CTNNA2: variants seen among roughly 807,000 people sequenced by gnomAD.
CTNNA2 encodes the protein catenin alpha 2, also known as catenin alpha-2.
In CTNNA2, 42 loss-of-function variants were observed where a neutral mutation model predicts 101.0. The observed-to-expected ratio is 0.42, with a 90% CI of 0.32 to 0.54. The LOEUF (loss-of-function observed/expected upper bound fraction) is 0.54. Ranked by LOEUF, CTNNA2 falls within the 20% of genes least tolerant of loss-of-function variation. The pLI, the probability that CTNNA2 is intolerant of heterozygous loss-of-function variation, is 0.14. For synonymous variants in CTNNA2, 450 were observed against 456.4 expected, an observed-to-expected ratio of 0.99 and a Z score of 0.18; for missense variants, 871 against 1,223.1, an observed-to-expected ratio of 0.71 and a Z score of 4.29.
chr2:79,686,875 A>C (rs1439203010), intron 2 of CTNNA2, among the ~76,000 whole-genome samples: 1 of 152,102 alleles, frequency 6.6e-6, no homozygotes, highest in Non-Finnish European at 1.5e-5. Context: ...AGAACTTATG[A>C]ATGAACTAGG....
chr2:79,555,270 C>G (rs148732643), intron 1 of CTNNA2, among the ~76,000 whole-genome samples: 59 of 152,244 alleles, frequency 3.9e-4, no homozygotes, highest in African/African-American at 1.4e-3. Context: ...TAAGGCCATA[C>G]ACTGGAATAT....
chr2:80,623,718 T>C (rs1671382146), intron 18 of CTNNA2, among the ~76,000 whole-genome samples: 1 of 151,800 alleles, frequency 6.6e-6, no homozygotes, highest in African/African-American at 2.4e-5. Flanking sequence ...AGGGAGTAGG[T>C]TCTTGGAGTC....
intron 2 of CTNNA2, among the ~76,000 whole-genome samples, chr2:79,722,348 G>T (rs1686542090): frequency 6.6e-6 from 1 of 152,148 alleles, no homozygotes; most frequent in Admixed American, 6.6e-5. Flanking sequence ...TGGCAGCCTT[G>T]GTTGGATTTG....
intron 14 of CTNNA2, among the ~76,000 whole-genome samples, chr2:80,585,602 G>C (rs1182887956): frequency 6.6e-6 from 1 of 152,082 alleles, no homozygotes; most frequent in Non-Finnish European, 1.5e-5. Context: ...TGCATGTTAT[G>C]TATTTTATAT....
At chr2:80,452,673 G>A (rs1468657803) in intron 9 of CTNNA2, among the ~76,000 whole-genome samples, 1 of 151,632 alleles carries the variant, frequency 6.6e-6, no homozygotes, top group Non-Finnish European at 1.5e-5. Context: ...GGGGCTTCTT[G>A]CAGGTTGGGT....
chr2:79,919,246 A>G (rs1352436309), intron 7 of CTNNA2, among the ~76,000 whole-genome samples: 1 of 152,210 alleles, frequency 6.6e-6, no homozygotes, highest in African/African-American at 2.4e-5. Flanking sequence ...GTTGGGTATC[A>G]TTCAGCTTAT....
At chr2:79,671,294 G>C (rs1318904940) in intron 2 of CTNNA2, among the ~76,000 whole-genome samples, 1 of 152,216 alleles carries the variant, frequency 6.6e-6, no homozygotes, top group Non-Finnish European at 1.5e-5. Context: ...GCTCCGCATA[G>C]CTCAGATAAG....
intron 7 of CTNNA2, among the ~76,000 whole-genome samples, chr2:79,982,609 T>C (rs1274187301): frequency 6.6e-6 from 1 of 151,832 alleles, no homozygotes. Flanking sequence ...CTTTGCTTCC[T>C]ATTAGCATAT....
intron 7 of CTNNA2, among the ~76,000 whole-genome samples, chr2:79,947,583 A>G (rs1383596741): frequency 6.6e-6 from 1 of 152,344 alleles, no homozygotes; most frequent in Non-Finnish European, 1.5e-5. Flanking sequence ...ATTGGTTTCA[A>G]GTGTAAGTTC....
chr2:79,496,598 T>G (rs2103795105), intron 4 of CTNNA2, among the ~76,000 whole-genome samples: 1 of 152,200 alleles, frequency 6.6e-6, no homozygotes, highest in East Asian at 1.9e-4. Flanking sequence ...ATTAATTTAT[T>G]CATATTTACC....
chr2:80,642,471 G>T (rs1409171020), intron 18 of CTNNA2, among the ~76,000 whole-genome samples: 2 of 152,132 alleles, frequency 1.3e-5, no homozygotes, highest in African/African-American at 4.8e-5. Flanking sequence ...CACAGTAGTT[G>T]GCAGAAAGTA....
intron 9 of CTNNA2, among the ~76,000 whole-genome samples, chr2:80,437,547 A>G (rs561829616): frequency 6.6e-6 from 1 of 152,342 alleles, no homozygotes; most frequent in South Asian, 2.1e-4. Context: ...CCAGAAATGC[A>G]TAATTACTAT....
At chr2:80,498,612 A>G (rs534678980) in intron 9 of CTNNA2, among the ~76,000 whole-genome samples, 88 of 152,276 alleles carry the variant, frequency 5.8e-4, no homozygotes, top group South Asian at 1.2e-3. Context: ...TAAAAATTTC[A>G]TATTGTTTTT....
rs1375500827 is a variant in CTNNA2 at position 79,671,005 on chromosome 2, T to C, written c.102+19347T>C. On this transcript the variant is annotated intron_variant, in intron 2 of 18. Transcript: ENST00000402739. ...AAATTGGAATATGTGTAAGGTGAAA[T>C]CTTTCTTCCTCACACCTCTAAGAAG... Among the ~76,000 whole-genome samples the C allele has an allele frequency of 2.6e-5, 4 of 152,118 alleles. No individual in the cohort carries two copies. In the East Asian group the frequency reaches 7.7e-4, roughly 29 times the overall value.
At chr2:79,947,158 A>G (rs1688555013) in intron 7 of CTNNA2, among the ~76,000 whole-genome samples, 1 of 152,254 alleles carries the variant, frequency 6.6e-6, no homozygotes. Context: ...CATATTTAGT[A>G]TGTTAAAATA....
At chr2:80,497,560 CAGAT>C (rs1217424775) in intron 9 of CTNNA2, among the ~76,000 whole-genome samples, 6 of 152,202 alleles carry the variant, frequency 3.9e-5, no homozygotes, top group Admixed American at 1.3e-4. Context: ...GCCGACTTCT[CAGAT>C]AGCCCCCAAG....
chr2:80,581,851 C>A (rs1558612750), intron 14 of CTNNA2, 32 bp downstream of exon 14: 2 of 1,272,848 alleles, frequency 1.6e-6, no homozygotes, highest in South Asian at 2.4e-5. Flanking sequence ...TGGCTTGGCA[C>A]ACAGGGACCG....
At chr2:79,208,320 T>A (rs1485535417) in intron 2 of CTNNA2, among the ~76,000 whole-genome samples, 1 of 152,150 alleles carries the variant, frequency 6.6e-6, no homozygotes. Context: ...ATGTCAAGAT[T>A]CTCTAACAAT....
rs34694986 is a variant in CTNNA2, at chr2:79,320,260, A to ATT, written c.-318+7487_-318+7488dup. On this transcript the variant is annotated intron_variant, in intron 3 of 21. Coordinates refer to the CTNNA2 transcript ENST00000466387. ...TCATAGTACCTACCTTTACGTTTCA[A>ATT]TTTTTTTTTTTTTTTTTTTTTTTTA... 9.5e-3 allele frequency among the ~76,000 whole-genome samples: 1,143 copies of ATT among 119,746 alleles called. 19 individuals are homozygous for ATT. The highest frequency in any genetic ancestry group is 0.024 in the African/African-American group (756 of 31,578). 78.6% of individuals were successfully genotyped at this position (119,746 alleles called of 152,430 possible). A position where few individuals can be genotyped will look rare whatever the true frequency, so the allele number is the denominator to read the frequency against.
Sources: allele counts gnomAD v4.1 joint callset (sites outside exome capture counted in the v4.1 genomes callset), GRCh38; gene constraint gnomAD v4.1.1; transcripts MANE v1.5; gene names NCBI Gene and HGNC (gene_info 2026-07-23, HGNC 2026-07-21).